Variants in STXBP3 observed in about 807,000 individuals in gnomAD.
STXBP3 encodes the protein syntaxin-binding protein 3.
Under a neutral mutation model 85.7 loss-of-function variants are expected in STXBP3, and 41 were observed. The observed-to-expected ratio is 0.48, with a 90% CI of 0.37 to 0.62. The LOEUF is 0.62. STXBP3 is among the 20% of genes least tolerant of loss of function. The pLI, the probability that STXBP3 is intolerant of heterozygous loss-of-function variation, is 0.00. For missense variants in STXBP3, 563 were observed against 703.1 expected (o/e 0.80, Z 2.25); for synonymous variants, 229 against 231.7 (o/e 0.99, Z 0.10).
chr1:108,781,183 C>T lies in STXBP3; in HGVS notation c.810-1239C>T, dbSNP rs143277926. 6 of 152,278 alleles carry T rather than the reference C, an allele frequency of 3.9e-5. No individual in the cohort carries two copies. The East Asian group carries it at 1.2e-3, about 29-fold the overall frequency. The allele number at this position is 152,278 out of a possible 1,614,324, so 9.4% of individuals were successfully genotyped here. A position where few individuals can be genotyped will look rare whatever the true frequency, so the allele number is the denominator to read the frequency against. On this transcript the variant is annotated intron_variant, in intron 9 of 18. Transcript: ENST00000370008. ...AAAGGGCTTTCATCCTTAGTGCAGCCTTATATAATTGAGCACAGTGATTCT... is the reference window on the plus strand; with the variant it reads ...AAAGGGCTTTCATCCTTAGTGCAGCTTTATATAATTGAGCACAGTGATTCT...
chr1:108,749,313 G>A (rs896376905), intron 1 of STXBP3, among the ~76,000 whole-genome samples: 3 of 152,186 alleles, frequency 2.0e-5, no homozygotes, highest in Non-Finnish European at 2.9e-5. Flanking sequence ...ATCTCAACTT[G>A]AGACATGTAG....
intron 1 of STXBP3, among the ~76,000 whole-genome samples, chr1:108,748,086 G>A (rs1464614658): frequency 1.3e-5 from 2 of 151,568 alleles, no homozygotes; most frequent in Non-Finnish European, 2.9e-5. Context: ...TAAAGACATT[G>A]TTTTTATTAT....
At chr1:108,793,183 T>C (rs1663014612) in intron 11 of STXBP3, among the ~76,000 whole-genome samples, 1 of 133,934 alleles carries the variant, frequency 7.5e-6, no homozygotes, top group Non-Finnish European at 1.6e-5. Flanking sequence ...TTTTTTTTTT[T>C]GCACCCAGGG....
At chr1:108,808,452 G>A (rs531651512) in intron 18 of STXBP3, among the ~76,000 whole-genome samples, 1 of 152,326 alleles carries the variant, frequency 6.6e-6, no homozygotes, top group South Asian at 2.1e-4. Flanking sequence ...CTGCAGCACT[G>A]CTTAGTGGAT....
At chr1:108,784,474 G>A (rs572773098) in intron 11 of STXBP3, among the ~76,000 whole-genome samples, 12 of 152,202 alleles carry the variant, frequency 7.9e-5, no homozygotes, top group East Asian at 1.9e-4. Flanking sequence ...GGGGCAAACC[G>A]CCCCCATGAT....
intron 3 of STXBP3, among the ~76,000 whole-genome samples, chr1:108,755,111 C>T (rs760446834): frequency 4.6e-5 from 7 of 151,950 alleles, no homozygotes; most frequent in African/African-American, 9.7e-5. Flanking sequence ...TCAGGATTTG[C>T]TACTTGAGTG....
intron 8 of STXBP3, among the ~76,000 whole-genome samples, chr1:108,777,506 T>C (rs900564184): frequency 4.6e-5 from 7 of 152,174 alleles, no homozygotes; most frequent in Non-Finnish European, 8.8e-5. Flanking sequence ...AGAGGCCTGG[T>C]GAAGGCTGTT....
chr1:108,769,099 TA>T (rs201713061), intron 6 of STXBP3, among the ~76,000 whole-genome samples: 1 of 151,548 alleles, frequency 6.6e-6, no homozygotes, highest in Non-Finnish European at 1.5e-5. Context: ...ACACATATTT[TA>T]ATATTGTTTT....
intron 9 of STXBP3, 75 bp downstream of exon 9, chr1:108,779,485 G>T: frequency 7.0e-7 from 1 of 1,418,768 alleles, no homozygotes; most frequent in South Asian, 1.7e-5. Context: ...GATTTATATA[G>T]GCACCAGAAA....
chr1:108,797,995 A>AT (rs1663144949), intron 15 of STXBP3, 150 bp from the exon 16 acceptor site: 4 of 626,632 alleles, frequency 6.4e-6, no homozygotes, highest in Non-Finnish European at 1.1e-5. Context: ...CCACACTCAG[A>AT]TTTTTTAAAA....
chr1:108,768,072 G>A (rs1362070626), intron 6 of STXBP3, among the ~76,000 whole-genome samples: 5 of 152,302 alleles, frequency 3.3e-5, no homozygotes, highest in Non-Finnish European at 5.9e-5. Context: ...TACTGAAAAG[G>A]GGAGGATGTT....
rs1177287034 is a variant in STXBP3, at chr1:108,779,409, A to C, written c.808A>C (p.Lys270Gln). The C allele has an allele frequency of 6.2e-7, 1 of 1,609,134 alleles. No homozygotes were observed. Among genetic ancestry groups the C allele is most frequent in the Non-Finnish European group, 8.5e-7 (1 of 1,177,362 alleles). ...ACTACCAATTGAGAATGATACATAC[A>C]AGCAAGTATAACTTGAAGGGCATAT... ...DLLPIENDTY[K>Q]YKTDGKEKEA... Residue 270 changes from lysine (K) to glutamine (Q), a missense_variant and splice_region_variant, in exon 9 of 19, where the codon AAA (lysine) becomes CAA (glutamine). Physicochemically the swap from Lys to Gln is moderately conservative, Grantham distance 53. This residue lies in a region of STXBP3 where 494 missense variants were observed against 592.8 expected (regional missense o/e 0.83). Coordinates refer to ENST00000370008, the MANE Select transcript of STXBP3 (RefSeq NM_007269.4).
At chr1:108,762,359 T>C (rs1333597709) in intron 6 of STXBP3, among the ~76,000 whole-genome samples, 2 of 152,174 alleles carry the variant, frequency 1.3e-5, no homozygotes, top group African/African-American at 2.4e-5. Context: ...TTCTTCCTAA[T>C]ACACAAGAAA....
At position 108,796,487 on chromosome 1, in the gene STXBP3, G is replaced by A. The variant is rs888378804; in HGVS notation, c.1249+115G>A. 1.6e-5 allele frequency: 19 copies of A among 1,163,932 alleles called. No homozygotes were observed. In the African/African-American group the frequency reaches 2.2e-4, roughly 13 times the overall value. 72.1% of individuals were successfully genotyped at this position (1,163,932 alleles called of 1,614,324 possible). ...AAGATAAAAGGGAAAATATGAAATC[G>A]AGAGAAGACTGAAGGAGATATAATT... On this transcript the variant is annotated intron_variant, in intron 14 of 18. Transcript: ENST00000370008.
intron 1 of STXBP3, among the ~76,000 whole-genome samples, chr1:108,748,752 A>C (rs1184921353): frequency 6.6e-6 from 1 of 151,644 alleles, no homozygotes; most frequent in Non-Finnish European, 1.5e-5. Flanking sequence ...GGATCGCTGG[A>C]GCCTGGGAAG....
intron 13 of STXBP3, 27 bp downstream of exon 13, chr1:108,794,934 G>A (rs774871729): frequency 1.3e-6 from 2 of 1,563,024 alleles, no homozygotes; most frequent in Non-Finnish European, 1.7e-6. Flanking sequence ...AAATGCCTCT[G>A]TTCATAACAA....
At chr1:108,758,427 A>G in intron 4 of STXBP3, 83 bp from the exon 5 acceptor site, 2 of 697,518 alleles carry the variant, frequency 2.9e-6, no homozygotes, top group Admixed American at 3.7e-5. Context: ...TCACTGAAAT[A>G]AAATAATCTT....
At chr1:108,766,744 A>G (rs957045650) in intron 6 of STXBP3, 1 of 172,688 alleles carries the variant, frequency 5.8e-6, no homozygotes, top group African/African-American at 2.4e-5. Flanking sequence ...AATTATTCTT[A>G]GAACTGGACC....
At chr1:108,768,619 G>A (rs1008470537) in intron 6 of STXBP3, among the ~76,000 whole-genome samples, 8 of 152,272 alleles carry the variant, frequency 5.3e-5, no homozygotes, top group African/African-American at 1.9e-4. Flanking sequence ...GCTATTGTAC[G>A]TAGGAGGCTC....
Sources: allele counts gnomAD v4.1 joint callset (sites outside exome capture counted in the v4.1 genomes callset), GRCh38; gene constraint gnomAD v4.1.1; regional missense constraint gnomAD v4.1.1; transcripts MANE v1.5; gene names NCBI Gene and HGNC (gene_info 2026-07-23, HGNC 2026-07-21).